Variants in MACROD2 observed in about 807,000 individuals in gnomAD.
The protein encoded by MACROD2 is ADP-ribose glycohydrolase MACROD2.
MACROD2 carries 36 observed loss-of-function variants against 70.4 expected under a neutral mutation model. The observed-to-expected ratio is 0.51, with a 90% CI of 0.39 to 0.68. The LOEUF is 0.68. MACROD2 is among the 30% of genes least tolerant of loss of function. MACROD2 has a pLI of 0.00. For synonymous variants in MACROD2, 172 were observed against 178.8 expected (o/e 0.96, Z 0.30); for missense variants, 496 against 538.4 (o/e 0.92, Z 0.78).
intron 8 of MACROD2, among the ~76,000 whole-genome samples, chr20:15,626,439 G>C (rs1015306560): frequency 6.6e-6 from 1 of 152,148 alleles, no homozygotes; most frequent in Non-Finnish European, 1.5e-5. Flanking sequence ...GCCTCTTTTT[G>C]CCAGTAAATT....
At chr20:14,024,788 G>A (rs1026478681) in intron 2 of MACROD2, among the ~76,000 whole-genome samples, 2 of 152,128 alleles carry the variant, frequency 1.3e-5, no homozygotes, top group African/African-American at 4.8e-5. Context: ...ACTTTATTGA[G>A]GATTATCACA....
At chr20:14,085,582 A>T in intron 2 of MACROD2, 39 bp from the exon 3 acceptor site, 1 of 1,162,826 alleles carries the variant, frequency 8.6e-7, no homozygotes, top group Non-Finnish European at 1.2e-6. Flanking sequence ...AAGTTAATTA[A>T]TAATATTATT....
At chr20:14,704,731 G>A (rs1259473780) in intron 5 of MACROD2, among the ~76,000 whole-genome samples, 1 of 152,092 alleles carries the variant, frequency 6.6e-6, no homozygotes, top group Non-Finnish European at 1.5e-5. Context: ...TCAAACACAA[G>A]CTCATGGAGC....
chr20:14,861,991 A>T (rs374570261), intron 5 of MACROD2, among the ~76,000 whole-genome samples: 2 of 61,646 alleles, frequency 3.2e-5, no homozygotes, highest in African/African-American at 7.4e-5. Flanking sequence ...ATATATATAT[A>T]TTTATATATA....
chr20:15,043,614 A>G (rs1205974225), intron 5 of MACROD2, among the ~76,000 whole-genome samples: 4 of 151,992 alleles, frequency 2.6e-5, no homozygotes, highest in Non-Finnish European at 5.9e-5. Context: ...TCTTTCCCCC[A>G]GTCAAAAAGA....
intron 3 of MACROD2, among the ~76,000 whole-genome samples, chr20:14,439,979 C>A (rs1384969490): frequency 6.6e-6 from 1 of 152,106 alleles, no homozygotes. Context: ...ACATTCCAAA[C>A]AAGAGGCCAC....
At chr20:16,023,964 G>T (rs1052241294) in intron 15 of MACROD2, among the ~76,000 whole-genome samples, 5 of 152,152 alleles carry the variant, frequency 3.3e-5, no homozygotes, top group Admixed American at 3.3e-4. Flanking sequence ...AGGCACTTGA[G>T]GAGGGATACC....
rs150282579 is a variant in MACROD2 at position 14,132,691 on chromosome 20, G to A, written c.271+46963G>A. ...TTTACTCTGGTGCCCAGGCTGGAGT[G>A]CAGTGGCTCAATCTTAGCTCACTTC... On this transcript the variant is annotated intron_variant, in intron 3 of 17. Transcript: ENST00000684519. 4.1e-4 allele frequency among the ~76,000 whole-genome samples: 62 copies of A among 151,988 alleles called. 1 individual carries two copies. In the East Asian group the frequency reaches 0.012, roughly 29 times the overall value.
intron 5 of MACROD2, among the ~76,000 whole-genome samples, chr20:14,787,448 A>G (rs1391597677): frequency 1.3e-5 from 2 of 152,148 alleles, no homozygotes; most frequent in Non-Finnish European, 1.5e-5. Flanking sequence ...GAAGAGATGT[A>G]ATATGAAGTC....
intron 6 of MACROD2, among the ~76,000 whole-genome samples, chr20:15,233,960 AATTT>A (rs1249316469): frequency 1.1e-5 from 1 of 89,082 alleles, no homozygotes; most frequent in African/African-American, 5.0e-5. Context: ...GGATCCAAAA[AATTT>A]ATTTTTATAT....
At chr20:15,827,674 T>A (rs560332463) in intron 8 of MACROD2, among the ~76,000 whole-genome samples, 20 of 152,298 alleles carry the variant, frequency 1.3e-4, no homozygotes, top group African/African-American at 4.6e-4. Context: ...CCAGAATTAA[T>A]GAATGGAATC....
intron 2 of MACROD2, among the ~76,000 whole-genome samples, chr20:14,056,931 G>A (rs926176795): frequency 4.0e-5 from 6 of 151,000 alleles, no homozygotes; most frequent in African/African-American, 1.2e-4. Flanking sequence ...GTTTTTTAAC[G>A]TTTTATTGCT....
At chr20:14,259,966 A>G (rs2082088980) in intron 3 of MACROD2, among the ~76,000 whole-genome samples, 1 of 152,208 alleles carries the variant, frequency 6.6e-6, no homozygotes. Context: ...TGAATCTCTA[A>G]AAGTGGTTGG....
intron 3 of MACROD2, among the ~76,000 whole-genome samples, chr20:14,409,002 C>T (rs558658406): frequency 6.6e-6 from 1 of 152,220 alleles, no homozygotes; most frequent in South Asian, 2.1e-4. Context: ...GCAACTCTTG[C>T]CCATGTCAAG....
chr20:15,580,914 C>T (rs916634376), intron 8 of MACROD2, among the ~76,000 whole-genome samples: 2 of 152,158 alleles, frequency 1.3e-5, no homozygotes, highest in African/African-American at 4.8e-5. Context: ...GTCTGTGGGG[C>T]CTGCACAACA....
At chr20:15,737,516 A>G (rs1220739525) in intron 8 of MACROD2, among the ~76,000 whole-genome samples, 1 of 152,158 alleles carries the variant, frequency 6.6e-6, no homozygotes, top group Non-Finnish European at 1.5e-5. Context: ...CCCTCCCATC[A>G]TGGAGCAGTC....
At chr20:14,630,860 T>A (rs1984467177) in intron 4 of MACROD2, among the ~76,000 whole-genome samples, 1 of 151,976 alleles carries the variant, frequency 6.6e-6, no homozygotes, top group Admixed American at 6.6e-5. Flanking sequence ...TCTAACACTT[T>A]TAAACATTTT....
At chr20:15,787,487 CCGTGG>C (rs2051949224) in intron 8 of MACROD2, among the ~76,000 whole-genome samples, 1 of 151,998 alleles carries the variant, frequency 6.6e-6, no homozygotes, top group East Asian at 1.9e-4. Context: ...TAGGAGTCCC[CCGTGG>C]CTGTTGTTCC....
chr20:14,730,991 ACACACACACACACACACATG>A (rs1172434005), intron 5 of MACROD2, among the ~76,000 whole-genome samples: 1 of 140,442 alleles, frequency 7.1e-6, no homozygotes, highest in Non-Finnish European at 1.6e-5. Flanking sequence ...ACACACACAC[ACACACACACACACACACATG>A]CACACACACA....
Sources: allele counts gnomAD v4.1 joint callset (sites outside exome capture counted in the v4.1 genomes callset), GRCh38; gene constraint gnomAD v4.1.1; transcripts MANE v1.5; gene names NCBI Gene and HGNC (gene_info 2026-07-23, HGNC 2026-07-21).